NPIPB2: variants seen among roughly 807,000 people sequenced by gnomAD.
NPIPB2 encodes nuclear pore complex interacting protein family member B2.
Under a neutral mutation model 30.8 loss-of-function variants are expected in NPIPB2, and 27 were observed. The ratio of observed to expected loss-of-function variants is 0.88; its 90% CI spans 0.65 to 1.21. NPIPB2 has a LOEUF of 1.21. Ranked by LOEUF, NPIPB2 falls within the 50% of genes most tolerant of loss-of-function variation. The pLI is 0.00. For synonymous variants in NPIPB2, 147 were observed against 162.0 expected (o/e 0.91, Z 0.70); for missense variants, 440 against 446.2 (o/e 0.99, Z 0.13).
chr16:11,972,850 G>A (rs991562637), intron 1 of NPIPB2, among the ~76,000 whole-genome samples: 3 of 147,804 alleles, frequency 2.0e-5, no homozygotes, highest in Non-Finnish European at 3.0e-5. Flanking sequence ...GCAACAGAGC[G>A]AGATTCGGAC....
chr16:11,971,376 A>G (rs1163792768), intron 1 of NPIPB2, among the ~76,000 whole-genome samples: 2 of 150,810 alleles, frequency 1.3e-5, no homozygotes, highest in Non-Finnish European at 2.9e-5. Context: ...GCATCAGTCA[A>G]TACATATAAA....
At position 11,927,443 on chromosome 16, in the gene NPIPB2, TC is replaced by T. The variant is rs751455951; in HGVS notation, c.1123del (p.Glu375AsnfsTer12). The stretch of plus-strand genomic sequence containing the variant: ...CCTCTTGGGCTCGGGTGATGATGGT[TC>T]CACCTCAGCGGCCCTCCGCCTCTTG... On this transcript the variant is annotated frameshift_variant, in exon 8 of 8. Coordinates refer to ENST00000399147, the Ensembl canonical transcript of NPIPB2. LOFTEE classifies it high-confidence loss of function. 1 of 1,058,312 alleles carries T rather than the reference TC, an allele frequency of 9.4e-7. No individual in the cohort carries two copies. Among genetic ancestry groups the T allele is most frequent in the Admixed American group, 3.4e-5 (1 of 29,410 alleles). 65.6% of individuals were successfully genotyped at this position (1,058,312 alleles called of 1,614,324 possible).
chr16:11,973,868 G>A (rs568120350), intron 1 of NPIPB2, among the ~76,000 whole-genome samples: 1 of 152,214 alleles, frequency 6.6e-6, no homozygotes, highest in African/African-American at 2.4e-5. Flanking sequence ...CTGGGGAGAA[G>A]AGGAATTCTG....
At chr16:11,974,242 G>A (rs1227345451) in intron 1 of NPIPB2, among the ~76,000 whole-genome samples, 1 of 152,106 alleles carries the variant, frequency 6.6e-6, no homozygotes, top group Non-Finnish European at 1.5e-5. Flanking sequence ...TGCAGACTGG[G>A]GTTGGTGGCT....
chr16:11,951,478 G>GA (rs879288708), intron 1 of NPIPB2, among the ~76,000 whole-genome samples: 4 of 122,878 alleles, frequency 3.3e-5, no homozygotes, highest in African/African-American at 6.6e-5. Context: ...AAAAAAAAAA[G>GA]AAAGAAAAGA....
rs112574008 is a variant in NPIPB2, at chr16:11,927,495, C to T, written c.1072G>A (p.Ala358Thr). The change falls in exon 8 of 8, where the codon GCT becomes ACT. Residue 358 changes from alanine (A) to threonine (T), a missense_variant. Physicochemically the swap from Ala to Thr is moderately conservative, Grantham distance 58. Transcript: ENST00000399147. ...GGTTCGGGTGGTGATTCCACCTCAGCGGCCCTCCGCCTCTTGGGTTCGGGT... is the reference window on the plus strand; with the variant it reads ...GGTTCGGGTGGTGATTCCACCTCAGTGGCCCTCCGCCTCTTGGGTTCGGGT... 9,759 of 1,478,026 alleles carry T rather than the reference C, an allele frequency of 6.6e-3. 590 individuals carry two copies. In the African/African-American group the frequency reaches 0.12, roughly 18 times the overall value. The allele number at this position is 1,478,026 out of a possible 1,614,324, so 91.6% of individuals were successfully genotyped here. A position where few individuals can be genotyped will look rare whatever the true frequency, so the allele number is the denominator to read the frequency against.
At chr16:11,944,149 G>A (rs2054976340), upstream of NPIPB2, among the ~76,000 whole-genome samples, 1 of 151,476 alleles carries the variant, frequency 6.6e-6, no homozygotes, top group East Asian at 2.0e-4. Context: ...AGTACTGCCT[G>A]TGATACAGAT....
At chr16:11,968,632 G>C (rs2055215188) in intron 1 of NPIPB2, 1 of 152,070 alleles carries the variant, frequency 6.6e-6, no homozygotes, top group Non-Finnish European at 1.5e-5. Context: ...CCTAGTCTGG[G>C]CTGTAATCAG....
chr16:11,965,755 C>A (rs1336891541), intron 1 of NPIPB2, among the ~76,000 whole-genome samples: 1 of 152,126 alleles, frequency 6.6e-6, no homozygotes, highest in Non-Finnish European at 1.5e-5. Context: ...TGGAAATAAT[C>A]CATACTTGAT....
intron 1 of NPIPB2, chr16:11,956,171 G>A (rs2055110852): frequency 6.6e-6 from 1 of 152,216 alleles, no homozygotes; most frequent in South Asian, 2.1e-4. Flanking sequence ...GCAGGTCGTA[G>A]GTGTCTCTCT....
At chr16:11,958,622 T>A (rs1313808696) in intron 1 of NPIPB2, among the ~76,000 whole-genome samples, 1 of 152,034 alleles carries the variant, frequency 6.6e-6, no homozygotes, top group Non-Finnish European at 1.5e-5. Flanking sequence ...GTGCCTGCAG[T>A]CCCGGCTACT....
chr16:11,944,167 T>C (rs1271868444), upstream of NPIPB2, among the ~76,000 whole-genome samples: 2 of 150,650 alleles, frequency 1.3e-5, no homozygotes, highest in Admixed American at 6.6e-5. Context: ...GATGATAAAC[T>C]GGATTTTTTT....
chr16:11,955,734 G>GAAAAGAA (rs55992129), intron 1 of NPIPB2, among the ~76,000 whole-genome samples: 139,004 of 142,956 alleles, frequency 0.97, 67,689 homozygotes, highest in South Asian at 1. Flanking sequence ...AAAAAAAAAA[G>GAAAAGAA]AAAAGAAAAA....
chr16:11,949,744 A>G (rs2055046107), intron 1 of NPIPB2, among the ~76,000 whole-genome samples: 1 of 152,210 alleles, frequency 6.6e-6, no homozygotes, highest in Non-Finnish European at 1.5e-5. Context: ...AGTAAAGGGC[A>G]GCCTTGCTCC....
At chr16:11,969,691 C>T (rs1011179361) in intron 1 of NPIPB2, among the ~76,000 whole-genome samples, 2 of 152,234 alleles carry the variant, frequency 1.3e-5, no homozygotes, top group African/African-American at 4.8e-5. Flanking sequence ...ATGAAAGCAT[C>T]AGGCATTACT....
chr16:11,967,446 C>A, intron 1 of NPIPB2: 3 of 986,490 alleles, frequency 3.0e-6, no homozygotes, highest in Non-Finnish European at 3.0e-6. Context: ...ACAGTAAGAC[C>A]CCACCTCTAA....
chr16:11,973,087 G>A (rs995956517), intron 1 of NPIPB2, among the ~76,000 whole-genome samples: 1 of 147,132 alleles, frequency 6.8e-6, no homozygotes, highest in South Asian at 2.2e-4. Context: ...TTGAACCTGA[G>A]AGGCAGAGGC....
exon 4 of NPIPB2, chr16:11,933,586 T>C (rs752542709): frequency 6.3e-7 from 1 of 1,584,810 alleles, no homozygotes; most frequent in East Asian, 2.3e-5. Context: ...CACCTTCATC[T>C]TACGGATTTT....
exon 8 of NPIPB2, chr16:11,927,488 ACCTCAGCGGCCCTCCGCC>A (rs1222009076): frequency 1.4e-6 from 2 of 1,459,124 alleles, no homozygotes; most frequent in African/African-American, 1.4e-5. Context: ...TGGTGATTCC[ACCTCAGCGGCCCTCCGCC>A]TCTTGGGTTC....
Sources: allele counts gnomAD v4.1 joint callset (sites outside exome capture counted in the v4.1 genomes callset), GRCh38; gene constraint gnomAD v4.1.1; transcripts MANE v1.5; gene names NCBI Gene and HGNC (gene_info 2026-07-23, HGNC 2026-07-21).